RORA: variants seen among roughly 807,000 people sequenced by gnomAD.
RORA encodes nuclear receptor ROR-alpha.
RORA carries 7 observed loss-of-function variants against 69.5 expected under a neutral mutation model. That is an observed-to-expected ratio of 0.10 (90% CI 0.06 to 0.19). The LOEUF is 0.19. Ranked by LOEUF, RORA falls within the 10% of genes least tolerant of loss-of-function variation. RORA has a pLI of 1.00. For missense variants in RORA, 457 were observed against 663.0 expected, an observed-to-expected ratio of 0.69 and a Z score of 3.41; for synonymous variants, 261 against 240.8, an observed-to-expected ratio of 1.08 and a Z score of -0.78.
At chr15:60,502,958 A>G in intron 7 of RORA, 91 bp from the exon 8 acceptor site, 1 of 851,936 alleles carries the variant, frequency 1.2e-6, no homozygotes, top group Admixed American at 1.7e-5. Flanking sequence ...CTCCTTCTGC[A>G]ACAGCATGGT....
intron 1 of RORA, among the ~76,000 whole-genome samples, chr15:61,011,258 T>C (rs192264754): frequency 5.9e-5 from 9 of 152,328 alleles, no homozygotes; most frequent in Admixed American, 5.2e-4. Flanking sequence ...CATTCTCTCA[T>C]GAGATCCATT....
intron 1 of RORA, among the ~76,000 whole-genome samples, chr15:61,119,825 T>C (rs1042349931): frequency 1.3e-5 from 2 of 152,140 alleles, no homozygotes; most frequent in Non-Finnish European, 2.9e-5. Context: ...GAAATTCCAG[T>C]GAAATCCAGT....
At chr15:60,908,640 C>G (rs1216564044) in intron 1 of RORA, among the ~76,000 whole-genome samples, 1 of 152,122 alleles carries the variant, frequency 6.6e-6, no homozygotes, top group Non-Finnish European at 1.5e-5. Flanking sequence ...GAGATTCCAA[C>G]AATAATACTT....
chr15:60,797,399 T>C (rs1275829282), intron 1 of RORA, among the ~76,000 whole-genome samples: 1 of 152,192 alleles, frequency 6.6e-6, no homozygotes, highest in East Asian at 1.9e-4. Context: ...TGCTGCACTG[T>C]GTGTGCCTTT....
chr15:60,602,847 G>A (rs1414413362), intron 2 of RORA, among the ~76,000 whole-genome samples: 4 of 152,106 alleles, frequency 2.6e-5, no homozygotes, highest in Admixed American at 2.6e-4. Context: ...TGTGACTAAG[G>A]CATTTAATTG....
intron 1 of RORA, among the ~76,000 whole-genome samples, chr15:60,900,927 T>C (rs1175656202): frequency 6.6e-6 from 1 of 152,138 alleles, no homozygotes; most frequent in African/African-American, 2.4e-5. Context: ...CCTAGGTTTT[T>C]GCATAGATAT....
chr15:60,744,876 T>G (rs1411101717), intron 1 of RORA, among the ~76,000 whole-genome samples: 1 of 152,184 alleles, frequency 6.6e-6, no homozygotes, highest in Non-Finnish European at 1.5e-5. Flanking sequence ...GGAAACCTAC[T>G]GGGAACTGGA....
Position 60,714,217 on chromosome 15 carries a change from CA to C in RORA, c.167-35532del, listed in dbSNP as rs1388614951. On this transcript the variant is annotated intron_variant, in intron 1 of 10. Transcript: ENST00000335670. ...TACAGGTGCATGCCACCATGCCCAG[CA>C]AATTTCTTTTTTGTATTTTTAGTAG... is the stretch of plus-strand genomic sequence containing the variant. 3.3e-5 allele frequency among the ~76,000 whole-genome samples: 5 copies of C among 151,776 alleles called. No individual in the cohort carries two copies. The East Asian group carries it at 9.7e-4, about 29-fold the overall frequency.
chr15:60,527,445 T>C (rs1417983051), intron 3 of RORA, among the ~76,000 whole-genome samples: 5 of 152,256 alleles, frequency 3.3e-5, no homozygotes, highest in Non-Finnish European at 7.3e-5. Context: ...CAGCCTCTAG[T>C]GTTACCATGG....
intron 1 of RORA, among the ~76,000 whole-genome samples, chr15:61,168,447 C>A (rs1306643808): frequency 6.6e-6 from 1 of 152,032 alleles, no homozygotes; most frequent in African/African-American, 2.4e-5. Context: ...TTAGTAGAGA[C>A]AGGGTTTCGC....
chr15:60,839,081 G>GTA (rs938900254), intron 1 of RORA, among the ~76,000 whole-genome samples: 1 of 151,732 alleles, frequency 6.6e-6, no homozygotes, highest in Non-Finnish European at 1.5e-5. Context: ...TATTTTTTTA[G>GTA]TAGAGACAGG....
At position 61,227,210 on chromosome 15, in the gene RORA, C is replaced by CAA. The variant is rs35827262; in HGVS notation, c.166+1841_166+1842dup. Among the ~76,000 whole-genome samples the CAA allele has an allele frequency of 5.2e-3, 639 of 124,056 alleles. 20 individuals are homozygous for CAA. Among genetic ancestry groups the CAA allele is most frequent in the South Asian group, 0.018 (68 of 3,864 alleles). The allele number at this position is 124,056 out of a possible 152,430, so 81.4% of individuals were successfully genotyped here. On this transcript the variant is annotated intron_variant, in intron 1 of 10. Transcript: ENST00000335670. ...CCTAAATACTATGTCCCCCCCATTC[C>CAA]AAAAAAAAAAAAAAAGCCCCAGAAA...
chr15:60,916,145 T>C (rs4775314), intron 1 of RORA, among the ~76,000 whole-genome samples: 29,121 of 152,228 alleles, frequency 0.19, 3,434 homozygotes, highest in Non-Finnish European at 0.27. Context: ...CTGCCGACTT[T>C]ACACTTTTCC....
intron 3 of RORA, among the ~76,000 whole-genome samples, chr15:60,524,337 A>C (rs35685778): frequency 0.081 from 12,318 of 152,234 alleles, 1,649 homozygotes; most frequent in African/African-American, 0.28. Context: ...AAACTGATCA[A>C]GTCACTTCTC....
chr15:61,011,485 G>T (rs1360898748), intron 1 of RORA, among the ~76,000 whole-genome samples: 1 of 151,982 alleles, frequency 6.6e-6, no homozygotes, highest in Non-Finnish European at 1.5e-5. Context: ...AGCATAGTTG[G>T]CTTGAAAAAA....
chr15:60,615,447 G>C (rs1251738714), intron 2 of RORA, among the ~76,000 whole-genome samples: 1 of 152,210 alleles, frequency 6.6e-6, no homozygotes, highest in African/African-American at 2.4e-5. Flanking sequence ...AAAGTCTCAC[G>C]AGATGGGGCC....
intron 2 of RORA, among the ~76,000 whole-genome samples, chr15:60,559,325 G>A (rs1413270166): frequency 6.6e-6 from 1 of 151,874 alleles, no homozygotes; most frequent in Non-Finnish European, 1.5e-5. Context: ...CCTTCCTTCT[G>A]TAGTCATATG....
At chr15:60,529,988 C>T (rs532497590) in intron 3 of RORA, 3 of 152,378 alleles carry the variant, frequency 2.0e-5, no homozygotes, top group African/African-American at 7.2e-5. Context: ...GCCTAGAACC[C>T]TGTCCATTTA....
intron 1 of RORA, among the ~76,000 whole-genome samples, chr15:61,159,457 G>A (rs2079475247): frequency 1.3e-5 from 2 of 152,070 alleles, no homozygotes; most frequent in African/African-American, 4.8e-5. Flanking sequence ...AAAAACTGAT[G>A]GTTATTGCAT....
Sources: allele counts gnomAD v4.1 joint callset (sites outside exome capture counted in the v4.1 genomes callset), GRCh38; gene constraint gnomAD v4.1.1; transcripts MANE v1.5; gene names NCBI Gene and HGNC (gene_info 2026-07-23, HGNC 2026-07-21).